CDH23: variants seen among roughly 807,000 people sequenced by gnomAD.
CDH23 encodes the protein cadherin-23.
In CDH23, 189 loss-of-function variants were observed where a neutral mutation model predicts 317.1. That is an observed-to-expected ratio of 0.60 (90% confidence interval 0.53 to 0.67). The LOEUF (loss-of-function observed/expected upper bound fraction) is 0.67, where lower values mean the gene tolerates loss of function less well. Ranked by LOEUF, CDH23 falls within the 30% of genes least tolerant of loss-of-function variation. CDH23 has a pLI of 0.00. For synonymous variants in CDH23, 1,839 were observed against 1,876.8 expected (o/e 0.98, Z 0.52); for missense variants, 4,401 against 4,592.4 (o/e 0.96, Z 1.20).
At chr10:71,518,461 G>A (rs971024356) in intron 6 of CDH23, among the ~76,000 whole-genome samples, 28 of 152,338 alleles carry the variant, frequency 1.8e-4, no homozygotes, top group African/African-American at 5.5e-4. Flanking sequence ...AGGCTTAGGA[G>A]GTCCAGTGGA....
At chr10:71,654,876 G>A (rs1863350855) in intron 14 of CDH23, among the ~76,000 whole-genome samples, 1 of 152,176 alleles carries the variant, frequency 6.6e-6, no homozygotes, top group South Asian at 2.1e-4. Flanking sequence ...AAGTCACACT[G>A]CATCATTTCT....
intron 11 of CDH23, among the ~76,000 whole-genome samples, chr10:71,643,521 G>T (rs1862667331): frequency 6.6e-6 from 1 of 151,972 alleles, no homozygotes; most frequent in Admixed American, 6.5e-5. Context: ...AGGCCTTCTG[G>T]GTGAGAGTGG....
chr10:71,438,236 G>A (rs557459723), intron 1 of CDH23, among the ~76,000 whole-genome samples: 24 of 14,212 alleles, frequency 1.7e-3, no homozygotes, highest in African/African-American at 3.1e-3. Context: ...CCAGCTACTC[G>A]GGGGGGCTGA....
chr10:71,567,418 A>G (rs916758306), intron 7 of CDH23, among the ~76,000 whole-genome samples: 1 of 152,238 alleles, frequency 6.6e-6, no homozygotes, highest in Non-Finnish European at 1.5e-5. Context: ...TCTACTCCAC[A>G]GAGTGGTGAC....
rs61853165 is a variant in CDH23 at position 71,402,742 on chromosome 10, T to C, written c.-6+5424T>C. Among the ~76,000 whole-genome samples, 631 of 100,886 alleles carry C rather than the reference T, an allele frequency of 6.3e-3. 2 individuals carry two copies. The highest frequency in any genetic ancestry group is 0.01 in the Non-Finnish European group (464 of 46,336). The allele number at this position is 100,886 out of a possible 152,430, so 66.2% of individuals were successfully genotyped here. Reference sequence around the variant, plus strand: ...GTGTGTGTGTGTGTGTGTGTGTGTGTGTGCACGCGCGCGCGCGCACATGCG... The same window carrying C: ...GTGTGTGTGTGTGTGTGTGTGTGTGCGTGCACGCGCGCGCGCGCACATGCG... On this transcript the variant is annotated intron_variant, in intron 1 of 69. Transcript: ENST00000224721.
At chr10:71,806,415 T>A in intron 57 of CDH23, 134 bp downstream of exon 57, 1 of 667,462 alleles carries the variant, frequency 1.5e-6, no homozygotes. Context: ...ATGCACTTCA[T>A]GCAAGAACAA....
chr10:71,559,525 T>A (rs1857024107), intron 6 of CDH23, among the ~76,000 whole-genome samples: 1 of 152,106 alleles, frequency 6.6e-6, no homozygotes, highest in African/African-American at 2.4e-5. Context: ...AGGAGGGCCA[T>A]TCGATAAGCA....
At chr10:71,773,221 T>C (rs1276190143) in intron 38 of CDH23, 1 of 1,032,436 alleles carries the variant, frequency 9.7e-7, no homozygotes. Flanking sequence ...CCCAGCAGCC[T>C]CTGGGCGGTG....
At chr10:71,559,321 T>C (rs910510394) in intron 6 of CDH23, among the ~76,000 whole-genome samples, 3 of 152,202 alleles carry the variant, frequency 2.0e-5, no homozygotes, top group African/African-American at 7.2e-5. Context: ...AAAAACAGAA[T>C]TAAATGGATG....
chr10:71,792,010 A>G (rs1479872607), intron 47 of CDH23, among the ~76,000 whole-genome samples: 3 of 152,224 alleles, frequency 2.0e-5, no homozygotes, highest in Non-Finnish European at 2.9e-5. Flanking sequence ...TTTGAAAAAC[A>G]TAAGTATAAT....
intron 6 of CDH23, among the ~76,000 whole-genome samples, chr10:71,566,217 T>C (rs1021368466): frequency 3.3e-5 from 5 of 152,170 alleles, no homozygotes; most frequent in Non-Finnish European, 7.4e-5. Context: ...AGGTTGACAC[T>C]TGTCTGCTGA....
At chr10:71,621,154 G>T (rs1861448924) in intron 11 of CDH23, among the ~76,000 whole-genome samples, 1 of 152,232 alleles carries the variant, frequency 6.6e-6, no homozygotes, top group Non-Finnish European at 1.5e-5. Flanking sequence ...TTAGAGAAAA[G>T]ATTTTTAGAA....
At chr10:71,476,120 G>A in intron 3 of CDH23, among the ~76,000 whole-genome samples, 1 of 148,324 alleles carries the variant, frequency 6.7e-6, no homozygotes, top group East Asian at 1.9e-4. Flanking sequence ...CACGCAGGTG[G>A]GGAGGGACTA....
intron 9 of CDH23, among the ~76,000 whole-genome samples, chr10:71,607,540 G>T (rs1374216770): frequency 6.6e-6 from 1 of 152,224 alleles, no homozygotes; most frequent in Non-Finnish European, 1.5e-5. Flanking sequence ...CCATTGTGGG[G>T]CATGCCCCTC....
At chr10:71,597,528 T>C (rs1859941670) in intron 9 of CDH23, among the ~76,000 whole-genome samples, 1 of 152,088 alleles carries the variant, frequency 6.6e-6, no homozygotes, top group African/African-American at 2.4e-5. Context: ...CAGGGGCTCC[T>C]CAGAGCCTGC....
intron 19 of CDH23, among the ~76,000 whole-genome samples, chr10:71,688,898 A>AAC (rs1210754425): frequency 2.4e-5 from 3 of 126,836 alleles, no homozygotes; most frequent in African/African-American, 5.7e-5. Flanking sequence ...TGGTGGAGCC[A>AAC]GGGATGGTGG....
intron 52 of CDH23, among the ~76,000 whole-genome samples, 167 bp from the exon 53 acceptor site, chr10:71,800,469 G>A (rs921333893): frequency 6.6e-5 from 10 of 152,200 alleles, no homozygotes; most frequent in African/African-American, 1.9e-4. Flanking sequence ...TTGGGGTAGT[G>A]AGAGCAAGAA....
chr10:71,766,049 C>T (rs375048521), intron 38 of CDH23, among the ~76,000 whole-genome samples: 5 of 152,354 alleles, frequency 3.3e-5, no homozygotes, highest in South Asian at 4.1e-4. Context: ...GCGCACAGCA[C>T]GCAGAGGGGC....
At chr10:71,679,101 C>T (rs553161130) in intron 16 of CDH23, among the ~76,000 whole-genome samples, 1 of 152,126 alleles carries the variant, frequency 6.6e-6, no homozygotes, top group Non-Finnish European at 1.5e-5. Context: ...GGCCCGGCCT[C>T]TGCATTATTC....
Sources: gnomAD v4.1 joint callset for allele counts (sites outside exome capture counted in the v4.1 genomes callset) on GRCh38, gnomAD v4.1.1 for gene constraint, MANE v1.5 for transcripts, NCBI Gene and HGNC (gene_info 2026-07-23, HGNC 2026-07-21) for gene names.